The following DNAH9 variants were observed in gnomAD, a reference collection of about 807,000 sequenced individuals.
DNAH9 encodes the protein DNAH9 variant protein.
A neutral mutation model predicts 471.6 loss-of-function variants in DNAH9; 345 were observed. The ratio of observed to expected loss-of-function variants is 0.73; its 90% CI spans 0.67 to 0.80. The LOEUF is 0.80. DNAH9 is among the 30% of genes least tolerant of loss of function. DNAH9 has a pLI of 0.00. For missense variants in DNAH9, 5,407 were observed against 5,609.2 expected, an observed-to-expected ratio of 0.96 and a Z score of 1.15; for synonymous variants, 2,093 against 2,123.6, an observed-to-expected ratio of 0.99 and a Z score of 0.40.
chr17:11,684,023 G>C (rs16945192), intron 19 of DNAH9, among the ~76,000 whole-genome samples: 2,076 of 152,276 alleles, frequency 0.014, 57 homozygotes, highest in African/African-American at 0.048. Flanking sequence ...GTTTAAATCT[G>C]GTTTCTCCAC....
intron 22 of DNAH9, among the ~76,000 whole-genome samples, chr17:11,695,821 TC>T: frequency 6.6e-6 from 1 of 152,202 alleles, no homozygotes. Context: ...TATGAGAACT[TC>T]TGCTCTCAAC....
At chr17:11,614,700 C>G (rs1035997407) in intron 4 of DNAH9, among the ~76,000 whole-genome samples, 2 of 152,322 alleles carry the variant, frequency 1.3e-5, no homozygotes, top group Admixed American at 1.3e-4. Flanking sequence ...AGGGCCTGGC[C>G]TCTGCTTCCA....
At chr17:11,881,836 C>T (rs1199668811) in intron 55 of DNAH9, among the ~76,000 whole-genome samples, 1 of 151,764 alleles carries the variant, frequency 6.6e-6, no homozygotes, top group South Asian at 2.1e-4. Context: ...CTCTTGAACC[C>T]GGGAGACGGA....
In DNAH9 at chr17:11,623,271, G is replaced by A. The variant is rs746989698; in HGVS notation, c.1350+3490G>A. Among the ~76,000 whole-genome samples the A allele has an allele frequency of 1.3e-5, 2 of 152,026 alleles. No homozygotes were observed. Among genetic ancestry groups the A allele is most frequent in the Non-Finnish European group, 2.9e-5 (2 of 67,994 alleles). The stretch of plus-strand genomic sequence containing the variant: ...TTACAGGTGTGAGCCACCGTGCCCG[G>A]CCAGCATTTCTTTTCTTGACTGTGT... On this transcript the variant is annotated intron_variant, in intron 6 of 68. Coordinates refer to ENST00000262442, the MANE Select transcript of DNAH9 (RefSeq NM_001372.4). This position sits in a 1 kb window ranked among gnomAD's most constrained non-coding sequence, Gnocchi z 4.1.
intron 28 of DNAH9, among the ~76,000 whole-genome samples, chr17:11,734,862 G>T (rs2075320409): frequency 6.6e-6 from 1 of 152,182 alleles, no homozygotes; most frequent in Non-Finnish European, 1.5e-5. Flanking sequence ...GAGAGAGGGA[G>T]GTCAGTATGC....
chr17:11,609,209 C>T (rs2072574297), intron 2 of DNAH9, among the ~76,000 whole-genome samples: 1 of 152,170 alleles, frequency 6.6e-6, no homozygotes, highest in Middle Eastern at 3.4e-3. Flanking sequence ...AGATTATATG[C>T]GTGCAATGCA....
At chr17:11,819,646 C>G (rs189937722) in intron 45 of DNAH9, among the ~76,000 whole-genome samples, 194 of 152,004 alleles carry the variant, frequency 1.3e-3, no homozygotes, top group South Asian at 5.2e-3. Context: ...TCCCAAAGTC[C>G]CTGCCTCCTG....
At position 11,640,293 on chromosome 17, in the gene DNAH9, A is replaced by G. The variant is rs61740059; in HGVS notation, c.1810A>G (p.Met604Val). The change falls in exon 10 of 69, where the codon ATG (methionine) becomes GTG (valine). Residue 604 changes from methionine (M) to valine (V), a missense_variant. Physicochemically the swap from Met to Val is conservative, Grantham distance 21. Around this residue, in one of 3 missense-constraint regions of DNAH9, gnomAD observed 4,636 missense variants for 4,900.3 expected, o/e 0.95. Transcript: ENST00000262442. ...ELGFSPVHKN[M>V]PTVAGGLRWA... is the part of the protein sequence containing the mutation. ...AGGGTTCTCCCCGGTGCACAAGAAC[A>G]TGCCCACCGTGGCTGGCGGCCTCCG... 41,496 of 1,613,072 alleles carry G rather than the reference A, an allele frequency of 0.026. 689 individuals are homozygous for G. The highest frequency in any genetic ancestry group is 0.053 in the Middle Eastern group (321 of 6,056).
At chr17:11,760,771 G>A (rs1967631731) in intron 35 of DNAH9, among the ~76,000 whole-genome samples, 1 of 152,096 alleles carries the variant, frequency 6.6e-6, no homozygotes, top group African/African-American at 2.4e-5. Flanking sequence ...GCCCTCCTCG[G>A]CCTCCCAAAG....
Position 11,763,585 on chromosome 17 carries a change from G to T in DNAH9, c.7141G>T (p.Ala2381Ser). ...TTATTTTGTGTTTGCTGCCATCTGG[G>T]CTTTCGGCGGAGCAATGGTCCAAGA... ...EHYFVFAAIW[A>S]FGGAMVQDQL... The change falls in exon 36 of 69, where the codon GCT becomes TCT. Residue 2381 changes from alanine to serine, a missense_variant. Around this residue, in one of 3 missense-constraint regions of DNAH9, gnomAD observed 4,636 missense variants for 4,900.3 expected, o/e 0.95. Transcript: ENST00000262442. 1 of 1,614,120 alleles carries T rather than the reference G, an allele frequency of 6.2e-7. No homozygotes were observed.
chr17:11,788,020 A>G (rs1438749706), intron 41 of DNAH9, among the ~76,000 whole-genome samples: 1 of 152,164 alleles, frequency 6.6e-6, no homozygotes, highest in Non-Finnish European at 1.5e-5. Context: ...AGCAGAAATC[A>G]CTAACCATTC....
intron 9 of DNAH9, among the ~76,000 whole-genome samples, chr17:11,637,858 G>A (rs181499936): frequency 6.6e-6 from 1 of 152,198 alleles, no homozygotes; most frequent in Non-Finnish European, 1.5e-5. Context: ...AACAAGACAA[G>A]ATGCATCGTG....
At chr17:11,788,999 G>T (rs4792176) in intron 41 of DNAH9, among the ~76,000 whole-genome samples, 85,320 of 151,732 alleles carry the variant, frequency 0.56, 24,620 homozygotes, top group African/African-American at 0.67. Context: ...ATTATATAAA[G>T]TTTTTCTCTT....
intron 35 of DNAH9, among the ~76,000 whole-genome samples, chr17:11,759,311 A>G (rs538400326): frequency 2.0e-5 from 3 of 151,582 alleles, no homozygotes; most frequent in East Asian, 3.9e-4. Flanking sequence ...GGTGTTTATT[A>G]TTTCACTCTA....
intron 38 of DNAH9, among the ~76,000 whole-genome samples, chr17:11,776,267 A>G (rs915165040): frequency 4.6e-5 from 7 of 151,878 alleles, no homozygotes; most frequent in Non-Finnish European, 8.8e-5. Context: ...AATGACAGTG[A>G]TATCAATGTT....
In DNAH9 at chr17:11,726,758, C is replaced by A. The variant is rs1012390183; in HGVS notation, c.5710-1060C>A. On this transcript the variant is annotated intron_variant, in intron 27 of 68. Coordinates refer to ENST00000262442, the MANE Select transcript of DNAH9 (RefSeq NM_001372.4). ...GCACAGAGCTGATAGTCAAAAAATG[C>A]CCACTGAAGGCTGGGCATGGTGGCT... Among the ~76,000 whole-genome samples, 9 of 152,090 alleles carry A rather than the reference C, an allele frequency of 5.9e-5. 1 individual carries two copies.
At chr17:11,804,389 T>C (rs565179344) in intron 43 of DNAH9, among the ~76,000 whole-genome samples, 2 of 152,192 alleles carry the variant, frequency 1.3e-5, no homozygotes, top group African/African-American at 4.8e-5. Flanking sequence ...AGGTGAGAAA[T>C]TGGAGGATAA....
chr17:11,911,332 T>C (rs1293588310), intron 61 of DNAH9, among the ~76,000 whole-genome samples: 2 of 152,218 alleles, frequency 1.3e-5, no homozygotes, highest in Non-Finnish European at 2.9e-5. Context: ...TTGTCAAAAA[T>C]AGACCATCAT....
At chr17:11,658,261 TTA>T (rs2150711796) in intron 14 of DNAH9, among the ~76,000 whole-genome samples, 1 of 152,286 alleles carries the variant, frequency 6.6e-6, no homozygotes, top group South Asian at 2.1e-4. Flanking sequence ...ACCAAGTTTT[TTA>T]TGTTTGCAGT....
Sources: allele counts gnomAD v4.1 joint callset (sites outside exome capture counted in the v4.1 genomes callset), GRCh38; gene constraint gnomAD v4.1.1; regional missense constraint gnomAD v4.1.1; non-coding constraint Gnocchi (gnomAD v3.1); transcripts MANE v1.5; gene names NCBI Gene and HGNC (gene_info 2026-07-23, HGNC 2026-07-21).